Variants in NKAIN3 observed in about 807,000 individuals in gnomAD.
NKAIN3 encodes the protein sodium/potassium-transporting ATPase subunit beta-1-interacting protein 3.
In NKAIN3, 25 loss-of-function variants were observed where a neutral mutation model predicts 30.2. The ratio of observed to expected loss-of-function variants is 0.83; its 90% CI spans 0.60 to 1.16. The LOEUF is 1.16. NKAIN3 is among the 50% of genes most tolerant of loss of function. The pLI, the probability that NKAIN3 is intolerant of heterozygous loss-of-function variation, is 0.00. For synonymous variants in NKAIN3, 91 were observed against 89.6 expected (o/e 1.02, Z -0.09); for missense variants, 225 against 254.1 (o/e 0.89, Z 0.78).
In NKAIN3 at chr8:62,983,530, AATTTAGGGAGTTTAGGAGATAC is replaced by A. The variant is rs1824132747; in HGVS notation, c.*18126_*18147del. The stretch of plus-strand genomic sequence containing the variant: ...TAAAAACAAATCAAATTCACATTTT[AATTTAGGGAGTTTAGGAGATAC>A]ATCCTAGTGTGGATTTCACATGGTC... On this transcript the variant is annotated 3_prime_UTR_variant, in exon 7 of 7. Transcript: ENST00000623646. 1.3e-5 allele frequency: 2 copies of A among 152,204 alleles called. No individual in the cohort carries two copies. The highest frequency in any genetic ancestry group is 4.8e-5 in the African/African-American group (2 of 41,448). 9.4% of individuals were successfully genotyped at this position (152,204 alleles called of 1,614,324 possible). A position where few individuals can be genotyped will look rare whatever the true frequency, so the allele number is the denominator to read the frequency against.
intron 1 of NKAIN3, among the ~76,000 whole-genome samples, chr8:62,444,300 A>T (rs1314456247): frequency 6.6e-6 from 1 of 152,176 alleles, no homozygotes; most frequent in Non-Finnish European, 1.5e-5. Context: ...GATTAATATT[A>T]GCTATAGTCA....
intron 1 of NKAIN3, among the ~76,000 whole-genome samples, chr8:62,291,538 T>C (rs183080707): frequency 6.6e-6 from 1 of 152,290 alleles, no homozygotes; most frequent in Non-Finnish European, 1.5e-5. Flanking sequence ...TTCCATGTAG[T>C]TTAGATGTTT....
chr8:62,712,844 C>T (rs1176170888), intron 3 of NKAIN3, among the ~76,000 whole-genome samples: 2 of 152,220 alleles, frequency 1.3e-5, no homozygotes, highest in African/African-American at 2.4e-5. Context: ...CCTGACAGAT[C>T]CCTGTGGTGC....
At chr8:62,704,223 T>A (rs1294605726) in intron 3 of NKAIN3, among the ~76,000 whole-genome samples, 1 of 152,216 alleles carries the variant, frequency 6.6e-6, no homozygotes, top group Non-Finnish European at 1.5e-5. Context: ...ATTTTTTAAC[T>A]GTATTTTCTA....
At chr8:62,475,322 T>C (rs970911332) in intron 1 of NKAIN3, among the ~76,000 whole-genome samples, 1 of 152,210 alleles carries the variant, frequency 6.6e-6, no homozygotes, top group African/African-American at 2.4e-5. Flanking sequence ...TTGCTATAAA[T>C]GACTTTAATA....
Position 62,974,242 on chromosome 8 carries a change from AATTACTTTGGGCAGTATGGCC to A in NKAIN3, c.*8839_*8859del, listed in dbSNP as rs543321137. On this transcript the variant is annotated 3_prime_UTR_variant, in exon 7 of 7. Transcript: ENST00000623646. Reference sequence around the variant, plus strand: ...TGATGGGAATAGCATTGAATCTATAAATTACTTTGGGCAGTATGGCCATTTTTACAATATTGATTCTTCCTA... The same window carrying A: ...TGATGGGAATAGCATTGAATCTATAAATTTTTACAATATTGATTCTTCCTA... Among the ~76,000 whole-genome samples, 25 of 151,428 alleles carry A rather than the reference AATTACTTTGGGCAGTATGGCC, an allele frequency of 1.7e-4. No homozygotes were observed. The highest frequency in any genetic ancestry group is 3.4e-4 in the Non-Finnish European group (23 of 67,444).
At chr8:62,370,854 A>C (rs1375236488) in intron 1 of NKAIN3, among the ~76,000 whole-genome samples, 1 of 152,026 alleles carries the variant, frequency 6.6e-6, no homozygotes, top group African/African-American at 2.4e-5. Context: ...TACAAAGTCC[A>C]GCTACCTTAG....
intron 1 of NKAIN3, among the ~76,000 whole-genome samples, chr8:62,312,784 G>A (rs2129588786): frequency 6.6e-6 from 1 of 150,412 alleles, no homozygotes; most frequent in South Asian, 2.1e-4. Context: ...TGCCACTGCG[G>A]TACAGCCTGA....
chr8:62,922,169 T>C (rs1822299749), intron 5 of NKAIN3, among the ~76,000 whole-genome samples: 1 of 152,230 alleles, frequency 6.6e-6, no homozygotes, highest in Non-Finnish European at 1.5e-5. Context: ...ATTTGACCCT[T>C]GCTATTATAC....
intron 4 of NKAIN3, among the ~76,000 whole-genome samples, chr8:62,904,780 A>G (rs1821728052): frequency 6.6e-6 from 1 of 152,236 alleles, no homozygotes; most frequent in African/African-American, 2.4e-5. Flanking sequence ...AGTGTTAGAA[A>G]TGCAAAGTTG....
At chr8:62,435,920 T>G (rs1030909545) in intron 1 of NKAIN3, among the ~76,000 whole-genome samples, 3 of 152,218 alleles carry the variant, frequency 2.0e-5, no homozygotes, top group African/African-American at 7.2e-5. Context: ...CAACATTTCT[T>G]TAGCCATTAA....
chr8:62,885,020 A>G (rs1821103268), intron 4 of NKAIN3, among the ~76,000 whole-genome samples: 1 of 151,454 alleles, frequency 6.6e-6, no homozygotes, highest in Admixed American at 6.6e-5. Flanking sequence ...CTTTTCTTCT[A>G]CTTACTTTGG....
intron 5 of NKAIN3, among the ~76,000 whole-genome samples, chr8:62,919,227 A>ATTTTTTTTTTTTTTTTTTT (rs71255371): frequency 6.4e-5 from 3 of 47,190 alleles, no homozygotes; most frequent in African/African-American, 2.7e-4. Context: ...TACTTTCAAA[A>ATTTTTTTTTTTTTTTTTTT]TTTTTTTTTT....
intron 4 of NKAIN3, among the ~76,000 whole-genome samples, chr8:62,814,508 G>C (rs1425329916): frequency 3.3e-5 from 5 of 151,822 alleles, no homozygotes; most frequent in Admixed American, 2.0e-4. Context: ...AAATGTAAAA[G>C]AACAGAAATG....
chr8:62,783,253 T>C (rs1005339752), intron 4 of NKAIN3, among the ~76,000 whole-genome samples: 1 of 152,034 alleles, frequency 6.6e-6, no homozygotes, highest in Non-Finnish European at 1.5e-5. Flanking sequence ...TCATGAGGGC[T>C]TTGAATGGAA....
At chr8:62,734,385 T>G (rs1249056928) in intron 3 of NKAIN3, among the ~76,000 whole-genome samples, 1 of 152,224 alleles carries the variant, frequency 6.6e-6, no homozygotes, top group African/African-American at 2.4e-5. Flanking sequence ...CTGTTTTTCA[T>G]ATAATTTTTT....
intron 3 of NKAIN3, among the ~76,000 whole-genome samples, chr8:62,613,009 T>G (rs1158896281): frequency 1.3e-5 from 2 of 151,060 alleles, no homozygotes; most frequent in Non-Finnish European, 2.9e-5. Context: ...TATTTTTGAT[T>G]GGTTCACTAT....
At chr8:62,566,623 CCATCTAGT>C (rs1346331333) in intron 1 of NKAIN3, among the ~76,000 whole-genome samples, 1 of 152,096 alleles carries the variant, frequency 6.6e-6, no homozygotes, top group East Asian at 1.9e-4. Context: ...ATCTTTCTCT[CCATCTAGT>C]CATCTGTTAT....
In NKAIN3 at chr8:62,496,123, A is replaced by G. The variant is rs144997770; in HGVS notation, c.55-83416A>G. Among the ~76,000 whole-genome samples the G allele has an allele frequency of 4.8e-4, 73 of 152,300 alleles. No individual in the cohort carries two copies. In the East Asian group the frequency reaches 0.01, roughly 21 times the overall value. On this transcript the variant is annotated intron_variant, in intron 1 of 6. Transcript: ENST00000623646. ...AATTTAACATCTTTTAATGATGTGCATCATGGCCTATTAATTTAACAGTCT... is the reference window on the plus strand; with the variant it reads ...AATTTAACATCTTTTAATGATGTGCGTCATGGCCTATTAATTTAACAGTCT...
Sources: allele counts gnomAD v4.1 joint callset (sites outside exome capture counted in the v4.1 genomes callset), GRCh38; gene constraint gnomAD v4.1.1; transcripts MANE v1.5; gene names NCBI Gene and HGNC (gene_info 2026-07-23, HGNC 2026-07-21).